The following CUX2 variants were observed in gnomAD, a reference collection of about 807,000 sequenced individuals.
The protein encoded by CUX2 is homeobox protein cut-like 2.
CUX2 carries 40 observed loss-of-function variants against 144.8 expected under a neutral mutation model. The ratio of observed to expected loss-of-function variants is 0.28; its 90% CI spans 0.21 to 0.36. The LOEUF is 0.36. Ranked by LOEUF, CUX2 falls within the 10% of genes least tolerant of loss-of-function variation. The probability of loss-of-function intolerance (pLI) is 1.00; values close to 1 mark genes in which losing one functional copy is unlikely to be tolerated. For missense variants in CUX2, 1,615 were observed against 1,994.0 expected (o/e 0.81, Z 3.62); for synonymous variants, 827 against 875.6 (o/e 0.94, Z 0.98).
chr12:111,347,487 C>T, intron 21 of CUX2, 37 bp from the exon 22 acceptor site: 1 of 1,538,056 alleles, frequency 6.5e-7, no homozygotes, highest in Non-Finnish European at 8.7e-7. Flanking sequence ...TGGGAGTCCC[C>T]TGTCCAGCCC....
intron 1 of CUX2, among the ~76,000 whole-genome samples, chr12:111,188,934 T>C (rs1013929370): frequency 6.6e-6 from 1 of 152,080 alleles, no homozygotes; most frequent in African/African-American, 2.4e-5. Flanking sequence ...AGGAGTATTT[T>C]GGGCAGAAGG....
intron 1 of CUX2, among the ~76,000 whole-genome samples, chr12:111,203,092 C>T (rs140784921): frequency 2.4e-4 from 37 of 152,038 alleles, no homozygotes; most frequent in African/African-American, 6.8e-4. Context: ...ATTCGCTGGG[C>T]GTGGTGGCAC....
At chr12:111,066,797 C>A (rs1871039727) in intron 1 of CUX2, among the ~76,000 whole-genome samples, 1 of 152,168 alleles carries the variant, frequency 6.6e-6, no homozygotes, top group African/African-American at 2.4e-5. Flanking sequence ...CCCAGCTCTG[C>A]CTTTTACAAG....
At chr12:111,323,128 G>A (rs967502812) in intron 18 of CUX2, among the ~76,000 whole-genome samples, 9 of 152,316 alleles carry the variant, frequency 5.9e-5, no homozygotes, top group Middle Eastern at 6.8e-3. Flanking sequence ...GCCACTGTGG[G>A]GACCAGCGGA....
chr12:111,092,401 C>T (rs940831997), intron 1 of CUX2, among the ~76,000 whole-genome samples: 1 of 152,240 alleles, frequency 6.6e-6, no homozygotes, highest in Non-Finnish European at 1.5e-5. Context: ...CCTTTCCTCA[C>T]AGCTTGCCTT....
intron 20 of CUX2, chr12:111,339,678 G>A (rs17627481): frequency 0.037 from 5,642 of 152,322 alleles, 121 homozygotes; most frequent in Non-Finnish European, 0.052. Context: ...AAGGTTCAAA[G>A]TCCATTGGAA....
At chr12:111,328,181 G>A in intron 18 of CUX2, among the ~76,000 whole-genome samples, 1 of 152,150 alleles carries the variant, frequency 6.6e-6, no homozygotes, top group East Asian at 1.9e-4. Context: ...ATAACCCACT[G>A]GGCCTGGAAG....
chr12:111,247,568 C>T (rs1007257085), intron 3 of CUX2, among the ~76,000 whole-genome samples: 1 of 152,198 alleles, frequency 6.6e-6, no homozygotes, highest in African/African-American at 2.4e-5. Context: ...GGCGAGAGTT[C>T]ATGGGCCAGG....
chr12:111,303,028 C>A (rs1886371217), intron 9 of CUX2, among the ~76,000 whole-genome samples: 1 of 151,650 alleles, frequency 6.6e-6, no homozygotes, highest in Non-Finnish European at 1.5e-5. Context: ...TCAAGACCAG[C>A]CTAGCCAACA....
At chr12:111,145,377 A>G (rs1188984286) in intron 1 of CUX2, among the ~76,000 whole-genome samples, 1 of 152,210 alleles carries the variant, frequency 6.6e-6, no homozygotes. Context: ...TCATTTATCC[A>G]TTGAAACAGG....
chr12:111,239,467 G>A (rs766472988), intron 3 of CUX2, among the ~76,000 whole-genome samples: 2 of 152,130 alleles, frequency 1.3e-5, no homozygotes, highest in Non-Finnish European at 2.9e-5. Context: ...ACCTTGAGTC[G>A]GGTGTACGCC....
At chr12:111,156,769 G>A (rs997599072) in intron 1 of CUX2, among the ~76,000 whole-genome samples, 1 of 152,100 alleles carries the variant, frequency 6.6e-6, no homozygotes, top group African/African-American at 2.4e-5. Context: ...CTTGAGATCA[G>A]GAGTTCCAGA....
chr12:111,212,170 G>A (rs1565851515), intron 1 of CUX2, among the ~76,000 whole-genome samples: 1 of 152,114 alleles, frequency 6.6e-6, no homozygotes, highest in Non-Finnish European at 1.5e-5. Flanking sequence ...TGGATATTTC[G>A]GTTGTGGTCA....
At chr12:111,126,232 C>T (rs553265236) in intron 1 of CUX2, among the ~76,000 whole-genome samples, 1 of 152,120 alleles carries the variant, frequency 6.6e-6, no homozygotes, top group Non-Finnish European at 1.5e-5. Flanking sequence ...CCTCAGTCTC[C>T]CTAGTAGCTG....
rs528710249 is a variant in CUX2 at position 111,057,556 on chromosome 12, C to A, written c.63+23316C>A. The stretch of plus-strand genomic sequence containing the variant: ...CAACGTGGGGACCCAGACCTCCTTA[C>A]ACGGGCCCCATCTTTCTCCCTGCCC... On this transcript the variant is annotated intron_variant, in intron 1 of 21. Transcript: ENST00000261726. This position sits in a 1 kb window ranked among gnomAD's most constrained non-coding sequence, Gnocchi z 5.1. Among the ~76,000 whole-genome samples, 1 of 152,234 alleles carries A rather than the reference C, an allele frequency of 6.6e-6. No individual in the cohort carries two copies. The highest frequency in any genetic ancestry group is 1.9e-4 in the East Asian group (1 of 5,184).
intron 1 of CUX2, among the ~76,000 whole-genome samples, chr12:111,173,172 G>A (rs1387494166): frequency 6.6e-6 from 1 of 152,228 alleles, no homozygotes; most frequent in African/African-American, 2.4e-5. Context: ...ACCCTGAGCT[G>A]GGCATCTACT....
In CUX2 at chr12:111,061,957, C is replaced by T. The variant is rs1015644320; in HGVS notation, c.63+27717C>T. Among the ~76,000 whole-genome samples, 16 of 152,214 alleles carry T rather than the reference C, an allele frequency of 1.1e-4. No individual in the cohort carries two copies. The highest frequency in any genetic ancestry group is 2.1e-4 in the Non-Finnish European group (14 of 68,040). On this transcript the variant is annotated intron_variant, in intron 1 of 21. Coordinates refer to ENST00000261726, the MANE Select transcript of CUX2 (RefSeq NM_015267.4). This position sits in a 1 kb window ranked among gnomAD's most constrained non-coding sequence, Gnocchi z 4.2. ...TGCACTCCATCTGTGCCTCAGCTTCCTCGCCTGTGAAATAGGTCGCCTCGC... is the reference window on the plus strand; with the variant it reads ...TGCACTCCATCTGTGCCTCAGCTTCTTCGCCTGTGAAATAGGTCGCCTCGC...
Position 111,312,264 on chromosome 12 carries a change from G to A in CUX2, c.2002+63G>A. The A allele has an allele frequency of 7.8e-6, 11 of 1,419,324 alleles. No individual in the cohort carries two copies. The highest frequency in any genetic ancestry group is 1.1e-5 in the Non-Finnish European group (11 of 1,032,680). 87.9% of individuals were successfully genotyped at this position (1,419,324 alleles called of 1,614,324 possible). On this transcript the variant is annotated intron_variant, in intron 16 of 21. Transcript: ENST00000261726. The surrounding 1 kb of genome is among the most constrained non-coding windows in gnomAD (Gnocchi z 4.3). Reference sequence around the variant, plus strand: ...GGGGCCAGCTGCGAACAGGAGATGAGGCTTCGTCTACCTTTGTCCACCCCA... The same window carrying A: ...GGGGCCAGCTGCGAACAGGAGATGAAGCTTCGTCTACCTTTGTCCACCCCA...
chr12:111,312,261 TGAG>T lies in CUX2; in HGVS notation c.2002+62_2002+64del. 7.0e-7 allele frequency: 1 copy of T among 1,437,250 alleles called. No individual in the cohort carries two copies. Among genetic ancestry groups the T allele is most frequent in the South Asian group, 1.2e-5 (1 of 81,574 alleles). 89.0% of individuals were successfully genotyped at this position (1,437,250 alleles called of 1,614,324 possible). On this transcript the variant is annotated intron_variant, in intron 16 of 21. Coordinates refer to ENST00000261726, the MANE Select transcript of CUX2 (RefSeq NM_015267.4). This position sits in a 1 kb window ranked among gnomAD's most constrained non-coding sequence, Gnocchi z 4.3. The stretch of plus-strand genomic sequence containing the variant: ...CCCGGGGCCAGCTGCGAACAGGAGA[TGAG>T]GCTTCGTCTACCTTTGTCCACCCCA...
Sources: gnomAD v4.1 joint callset for allele counts (sites outside exome capture counted in the v4.1 genomes callset) on GRCh38, gnomAD v4.1.1 for gene constraint, Gnocchi (gnomAD v3.1) non-coding constraint, MANE v1.5 for transcripts, NCBI Gene and HGNC (gene_info 2026-07-23, HGNC 2026-07-21) for gene names.